Variants in RAB18 observed in about 807,000 individuals in gnomAD.
RAB18 encodes ras-related protein Rab-18.
A neutral mutation model predicts 28.5 loss-of-function variants in RAB18; 10 were observed. The observed-to-expected ratio is 0.35, with a 90% confidence interval of 0.22 to 0.60. The LOEUF is 0.60. RAB18 is among the 20% of genes least tolerant of loss of function. The pLI, the probability that RAB18 is intolerant of heterozygous loss-of-function variation, is 0.78. For missense variants in RAB18, 188 were observed against 244.2 expected, an observed-to-expected ratio of 0.77 and a Z score of 1.53; for synonymous variants, 93 against 86.9, an observed-to-expected ratio of 1.07 and a Z score of -0.39.
chr10:27,523,038 C>T (rs1251481820), intron 2 of RAB18, among the ~76,000 whole-genome samples: 2 of 151,784 alleles, frequency 1.3e-5, no homozygotes, highest in African/African-American at 2.4e-5. Flanking sequence ...TCTACTTCTT[C>T]GGATTTAATT....
chr10:27,521,531 A>C (rs970243751), intron 2 of RAB18, among the ~76,000 whole-genome samples: 2 of 152,228 alleles, frequency 1.3e-5, no homozygotes, highest in African/African-American at 4.8e-5. Flanking sequence ...AAAGGAACAA[A>C]ATAATGACAT....
chr10:27,519,421 T>A (rs1425110317), intron 2 of RAB18, among the ~76,000 whole-genome samples: 1 of 152,024 alleles, frequency 6.6e-6, no homozygotes, highest in Non-Finnish European at 1.5e-5. Flanking sequence ...GTACTAGAAA[T>A]TTTTAGCCAG....
At chr10:27,510,261 A>G in intron 2 of RAB18, 2 of 348,278 alleles carry the variant, frequency 5.7e-6, no homozygotes, top group South Asian at 5.2e-5. Flanking sequence ...ATTGTATGCC[A>G]GGGACTGCTA....
chr10:27,524,130 GT>G (rs1361240642), intron 2 of RAB18, among the ~76,000 whole-genome samples: 3 of 152,108 alleles, frequency 2.0e-5, no homozygotes, highest in Non-Finnish European at 4.4e-5. Flanking sequence ...AAGTCTCGCT[GT>G]TTTGCTGGGG....
chr10:27,541,171 A>G lies in RAB18; in HGVS notation c.*3120A>G. ...TTCCCTAGTTAAGTATAGGGGTAAA[A>G]ACGTTATTCAGCTTTCAGAAGACAT... On this transcript the variant is annotated 3_prime_UTR_variant, in exon 7 of 7. Coordinates refer to ENST00000356940, the MANE Select transcript of RAB18 (RefSeq NM_021252.5). The G allele has an allele frequency of 2.2e-6, 1 of 453,936 alleles. No homozygotes were observed. Among genetic ancestry groups the G allele is most frequent in the Non-Finnish European group, 4.4e-6 (1 of 226,760 alleles). The allele number at this position is 453,936 out of a possible 1,614,324, so 28.1% of individuals were successfully genotyped here. A position where few individuals can be genotyped will look rare whatever the true frequency, so the allele number is the denominator to read the frequency against.
chr10:27,511,533 T>G (rs1239524115), intron 2 of RAB18, among the ~76,000 whole-genome samples: 1 of 152,178 alleles, frequency 6.6e-6, no homozygotes, highest in African/African-American at 2.4e-5. Flanking sequence ...TCAGCAATTC[T>G]TCAGTCTTTA....
chr10:27,530,208 T>C (rs2132403023), intron 3 of RAB18, among the ~76,000 whole-genome samples: 1 of 152,134 alleles, frequency 6.6e-6, no homozygotes, highest in South Asian at 2.1e-4. Flanking sequence ...TATCAAAAAG[T>C]CTTGGGGCTA....
intron 2 of RAB18, among the ~76,000 whole-genome samples, chr10:27,517,298 G>C (rs1376662253): frequency 3.3e-5 from 5 of 152,158 alleles, no homozygotes; most frequent in Admixed American, 1.3e-4. Context: ...GGGAGGCAGA[G>C]GTTGCAGTGA....
rs770036629 is a variant in RAB18 at position 27,526,794 on chromosome 10, C to CT, written c.125-33dup. ...TAATGGATTTTAAAAGTCTGTTTTA[C>CT]TGGGAGACTTATCAAAATTTTCATT... On this transcript the variant is annotated intron_variant, in intron 2 of 6. Transcript: ENST00000356940. 59 of 1,611,580 alleles carry CT rather than the reference C, an allele frequency of 3.7e-5. 1 individual carries two copies. The South Asian group carries it at 6.2e-4, about 17-fold the overall frequency.
chr10:27,533,674 A>G, intron 4 of RAB18, 61 bp from the exon 5 acceptor site: 1 of 1,580,196 alleles, frequency 6.3e-7, no homozygotes, highest in African/African-American at 1.4e-5. Flanking sequence ...GCTACATATC[A>G]GAAATACGCC....
At chr10:27,534,119 T>C in intron 6 of RAB18, 125 bp downstream of exon 6, 2 of 893,566 alleles carry the variant, frequency 2.2e-6, no homozygotes, top group Non-Finnish European at 3.6e-6. Flanking sequence ...AGTTGCCTTG[T>C]GTTACAAAAT....
At chr10:27,510,982 T>C (rs943740956) in intron 2 of RAB18, among the ~76,000 whole-genome samples, 1 of 152,170 alleles carries the variant, frequency 6.6e-6, no homozygotes, top group Non-Finnish European at 1.5e-5. Context: ...GTATTCTTTT[T>C]TAAAAAAATG....
At chr10:27,506,825 A>C (rs1837850409) in intron 1 of RAB18, among the ~76,000 whole-genome samples, 1 of 152,168 alleles carries the variant, frequency 6.6e-6, no homozygotes, top group Non-Finnish European at 1.5e-5. Context: ...TGCCACCGAA[A>C]CAAAGAAACA....
chr10:27,531,327 G>C (rs1834783510), intron 3 of RAB18, among the ~76,000 whole-genome samples: 1 of 151,956 alleles, frequency 6.6e-6, no homozygotes, highest in Non-Finnish European at 1.5e-5. Context: ...AATGACTGCA[G>C]ATCCTCCCTA....
intron 1 of RAB18, among the ~76,000 whole-genome samples, chr10:27,509,014 A>G (rs1834269536): frequency 3.3e-5 from 5 of 152,226 alleles, no homozygotes; most frequent in Admixed American, 2.6e-4. Context: ...GTTTCTAATA[A>G]CTGACACTTC....
intron 2 of RAB18, among the ~76,000 whole-genome samples, chr10:27,521,899 G>A (rs1488474017): frequency 6.6e-6 from 1 of 151,978 alleles, no homozygotes; most frequent in African/African-American, 2.4e-5. Flanking sequence ...AAAACAAGAG[G>A]GTGATGTGCT....
intron 2 of RAB18, among the ~76,000 whole-genome samples, chr10:27,520,916 C>CAA (rs58688075): frequency 0.054 from 2,147 of 39,758 alleles, 268 homozygotes; most frequent in East Asian, 0.17. Flanking sequence ...GACTCCATCT[C>CAA]AAAAAAAAAA....
At chr10:27,514,098 G>C (rs2138981619) in intron 2 of RAB18, 1 of 152,330 alleles carries the variant, frequency 6.6e-6, no homozygotes, top group South Asian at 2.1e-4. Flanking sequence ...CAGAACTGGA[G>C]GCACTCTGGC....
rs1404642474 is a variant in RAB18, at chr10:27,533,918, T to C, written c.379-10T>C. On this transcript the variant is annotated splice_polypyrimidine_tract_variant and intron_variant, in intron 5 of 6. Coordinates refer to ENST00000356940, the MANE Select transcript of RAB18 (RefSeq NM_021252.5). ...GGTAGCCTTTCTTAATCATTGCATT[T>C]ATATTTTAGGAAAATCGTGAAGTCG... 1 of 1,610,152 alleles carries C rather than the reference T, an allele frequency of 6.2e-7. No individual in the cohort carries two copies. The highest frequency in any genetic ancestry group is 2.2e-5 in the East Asian group (1 of 44,770).
Sources: gnomAD v4.1 joint callset for allele counts (sites outside exome capture counted in the v4.1 genomes callset) on GRCh38, gnomAD v4.1.1 for gene constraint, MANE v1.5 for transcripts, NCBI Gene and HGNC (gene_info 2026-07-23, HGNC 2026-07-21) for gene names.